The following MAPT variants were observed in gnomAD, a reference collection of about 807,000 sequenced individuals.
MAPT encodes the protein microtubule associated protein tau.
A neutral mutation model predicts 67.9 loss-of-function variants in MAPT; 34 were observed. The observed-to-expected ratio is 0.50, with a 90% CI of 0.38 to 0.67. The LOEUF is 0.67. Among genes scored for constraint, MAPT ranks in the 30% least tolerant of loss-of-function variants. The probability of loss-of-function intolerance (pLI) is 0.00; values close to 1 mark genes in which losing one functional copy is unlikely to be tolerated. For synonymous variants in MAPT, 456 were observed against 464.5 expected (o/e 0.98, Z 0.23); for missense variants, 881 against 1,115.2 (o/e 0.79, Z 2.99).
chr17:45,926,951 A>G (rs1439851441), intron 1 of MAPT, among the ~76,000 whole-genome samples: 1 of 108,210 alleles, frequency 9.2e-6, no homozygotes, highest in Non-Finnish European at 2.6e-5. Context: ...ATATATACAT[A>G]TATGTGTATA....
intron 1 of MAPT, among the ~76,000 whole-genome samples, chr17:45,957,527 C>T (rs2069873663): frequency 6.6e-6 from 1 of 152,222 alleles, no homozygotes; most frequent in African/African-American, 2.4e-5. Flanking sequence ...ACTGTGGCAG[C>T]CCCAGCACTG....
intron 1 of MAPT, among the ~76,000 whole-genome samples, chr17:45,946,153 C>A (rs2068456279): frequency 6.6e-6 from 1 of 152,080 alleles, no homozygotes; most frequent in Admixed American, 6.6e-5. Context: ...GAGGAAACTG[C>A]TTCTCATCCA....
rs267604921 is a variant in MAPT, at chr17:45,993,953, C to A, written c.1732+2367C>A. The A allele has an allele frequency of 5.8e-5, 92 of 1,576,284 alleles. No homozygotes were observed. Among genetic ancestry groups the A allele is most frequent in the Non-Finnish European group, 7.2e-5 (84 of 1,160,304 alleles). ...TAAGCAAGTCCAGAGAAGACCACCC[C>A]CTGCAGGGCCCAGATCTGAGAGAGG... On this transcript the variant is annotated intron_variant, in intron 8 of 12. Transcript: ENST00000262410.
At chr17:45,956,523 T>A (rs2069669502) in intron 1 of MAPT, among the ~76,000 whole-genome samples, 2 of 147,512 alleles carry the variant, frequency 1.4e-5, no homozygotes, top group Non-Finnish European at 3.0e-5. Context: ...CACGTGAAAC[T>A]CATCTGGAAC....
At chr17:45,939,221 A>G (rs561143027) in intron 1 of MAPT, among the ~76,000 whole-genome samples, 1 of 147,708 alleles carries the variant, frequency 6.8e-6, no homozygotes, top group South Asian at 2.1e-4. Flanking sequence ...GGTCTCCCAA[A>G]GTGCTGGGAT....
At chr17:45,913,812 T>C (rs2144203187) in intron 1 of MAPT, among the ~76,000 whole-genome samples, 1 of 152,328 alleles carries the variant, frequency 6.6e-6, no homozygotes, top group East Asian at 1.9e-4. Flanking sequence ...TTGGCACTGG[T>C]GGGCATGAGG....
chr17:45,958,262 A>G (rs1220183469), intron 1 of MAPT, among the ~76,000 whole-genome samples: 1 of 152,246 alleles, frequency 6.6e-6, no homozygotes. Context: ...TTGACTATAT[A>G]AAACTTAAAC....
intron 3 of MAPT, chr17:45,974,223 T>C: frequency 1.5e-6 from 1 of 656,552 alleles, no homozygotes. Context: ...CCTGGGGAGC[T>C]GGTAGCAGGG....
intron 10 of MAPT, among the ~76,000 whole-genome samples, chr17:46,011,655 G>A (rs1399545831): frequency 6.6e-6 from 1 of 152,192 alleles, no homozygotes; most frequent in African/African-American, 2.4e-5. Flanking sequence ...CTGGACGTAT[G>A]AGACCCTTGG....
intron 1 of MAPT, among the ~76,000 whole-genome samples, chr17:45,913,842 G>A (rs569619138): frequency 1.3e-5 from 2 of 152,210 alleles, no homozygotes; most frequent in East Asian, 1.9e-4. Flanking sequence ...TGCCCTGGCC[G>A]GGGGGTTCTC....
intron 1 of MAPT, among the ~76,000 whole-genome samples, chr17:45,916,205 T>C (rs758215223): frequency 4.6e-5 from 7 of 152,226 alleles, no homozygotes; most frequent in Non-Finnish European, 8.8e-5. Flanking sequence ...TAGGTTTCTC[T>C]TTCAGATGCA....
chr17:45,984,454 C>A (rs180800909), intron 5 of MAPT, among the ~76,000 whole-genome samples: 1 of 152,240 alleles, frequency 6.6e-6, no homozygotes. Flanking sequence ...CACGCCTGTC[C>A]TGCATCCCAC....
intron 7 of MAPT, among the ~76,000 whole-genome samples, chr17:45,990,991 G>A (rs1006017618): frequency 3.3e-5 from 5 of 152,270 alleles, no homozygotes; most frequent in South Asian, 2.1e-4. Flanking sequence ...GAAAGAACAC[G>A]ACCTAGCTCT....
chr17:45,991,392 G>T, intron 7 of MAPT, 68 bp from the exon 8 acceptor site: 1 of 1,604,468 alleles, frequency 6.2e-7, no homozygotes, highest in Non-Finnish European at 8.5e-7. Flanking sequence ...AGTGGGGCTG[G>T]TGTTGACTCT....
At chr17:45,919,355 C>G (rs113271363) in intron 1 of MAPT, among the ~76,000 whole-genome samples, 21,777 of 152,168 alleles carry the variant, frequency 0.14, 2,114 homozygotes, top group Non-Finnish European at 0.22. Flanking sequence ...GGGGCGCCCC[C>G]CCCGCCTGCC....
rs1299025930 is a variant in MAPT at position 45,915,566 on chromosome 17, ATG to A, written c.-18+20887_-18+20888del. On this transcript the variant is annotated intron_variant, in intron 1 of 12. Coordinates refer to ENST00000262410, the MANE Select transcript of MAPT (RefSeq NM_001377265.1). The surrounding 1 kb of genome is among the most constrained non-coding windows in gnomAD (Gnocchi z 4.4). ...AGCATGTGTGTTGTGTGTGTGGTGC[ATG>A]TGTGTGGCGTGTGAGCGTGTGTGTG... Among the ~76,000 whole-genome samples, 1 of 133,012 alleles carries A rather than the reference ATG, an allele frequency of 7.5e-6. No homozygotes were observed. Among genetic ancestry groups the A allele is most frequent in the Non-Finnish European group, 1.8e-5 (1 of 56,720 alleles). 87.3% of individuals were successfully genotyped at this position (133,012 alleles called of 152,430 possible).
rs558907560 is a variant in MAPT at position 46,018,297 on chromosome 17, T to C, written c.2174-321T>C. Among the ~76,000 whole-genome samples, 15 of 152,322 alleles carry C rather than the reference T, an allele frequency of 9.8e-5. No individual in the cohort carries two copies. In the East Asian group the frequency reaches 1.9e-3, roughly 20 times the overall value. On this transcript the variant is annotated intron_variant, in intron 11 of 12. Coordinates refer to ENST00000262410, the MANE Select transcript of MAPT (RefSeq NM_001377265.1). ...ATATTTGATGCACACTTTGATTATATAGATGAAGCAAACTATTTTCAAGAG... is the reference window on the plus strand; with the variant it reads ...ATATTTGATGCACACTTTGATTATACAGATGAAGCAAACTATTTTCAAGAG...
At position 46,024,037 on chromosome 17, in the gene MAPT, G is replaced by A. The variant is rs753652567; in HGVS notation, c.2368G>A (p.Val790Met). ...GGCGGAGATCGTGTACAAGTCGCCAGTGGTGTCTGGGGACACGTCTCCACG... is the reference window on the plus strand; with the variant it reads ...GGCGGAGATCGTGTACAAGTCGCCAATGGTGTCTGGGGACACGTCTCCACG... Reference protein sequence around the residue: ...HGAEIVYKSPVVSGDTSPRHL... With the variant: ...HGAEIVYKSPMVSGDTSPRHL... The change falls in exon 13 of 13, where the codon GTG becomes ATG. Residue 790 changes from valine (V) to methionine (M), a missense_variant. Val to Met is a conservative substitution (Grantham distance 21, BLOSUM62 1). This residue lies in a region of MAPT where 79 missense variants were observed against 150.9 expected (regional missense o/e 0.52). Transcript: ENST00000262410. 1 of 1,614,152 alleles carries A rather than the reference G, an allele frequency of 6.2e-7. No homozygotes were observed. The highest frequency in any genetic ancestry group is 8.5e-7 in the Non-Finnish European group (1 of 1,180,038).
intron 1 of MAPT, among the ~76,000 whole-genome samples, chr17:45,952,072 T>C (rs1207234210): frequency 2.6e-5 from 4 of 152,228 alleles, no homozygotes; most frequent in African/African-American, 9.6e-5. Context: ...TGTGTCTCGC[T>C]TAGATTACAG....
Sources: gnomAD v4.1 joint callset for allele counts (sites outside exome capture counted in the v4.1 genomes callset) on GRCh38, gnomAD v4.1.1 for gene constraint, gnomAD v4.1.1 regional missense constraint, Gnocchi (gnomAD v3.1) non-coding constraint, MANE v1.5 for transcripts, NCBI Gene and HGNC (gene_info 2026-07-23, HGNC 2026-07-21) for gene names.